Variants in SGCD observed in about 807,000 individuals in gnomAD.
The protein encoded by SGCD is sarcoglycan delta, also known as delta-sarcoglycan.
Under a neutral mutation model 36.6 loss-of-function variants are expected in SGCD, and 18 were observed. The ratio of observed to expected loss-of-function variants is 0.49; its 90% confidence interval spans 0.34 to 0.73. The LOEUF is 0.73. Ranked by LOEUF, SGCD falls within the 30% of genes least tolerant of loss-of-function variation. The pLI is 0.01. For missense variants in SGCD, 387 were observed against 346.7 expected, an observed-to-expected ratio of 1.12 and a Z score of -0.92; for synonymous variants, 133 against 130.6, an observed-to-expected ratio of 1.02 and a Z score of -0.12.
chr5:156,647,740 G>T (rs918011162), intron 7 of SGCD, among the ~76,000 whole-genome samples: 2 of 152,068 alleles, frequency 1.3e-5, no homozygotes, highest in African/African-American at 4.8e-5. Flanking sequence ...TGGGGTAAAA[G>T]GTTGCCCACT....
the SGCD span, among the ~76,000 whole-genome samples, chr5:155,829,758 A>G: frequency 1.3e-5 from 2 of 152,186 alleles, no homozygotes; most frequent in African/African-American, 4.8e-5. Flanking sequence ...TTGGTTTGGA[A>G]AAAGTGTAGA....
the SGCD span, among the ~76,000 whole-genome samples, chr5:155,783,479 G>A: frequency 6.6e-6 from 1 of 152,058 alleles, no homozygotes. Flanking sequence ...AGCTGGCAAT[G>A]ACTGATTTGG....
At chr5:156,088,430 T>C (rs1761155903) in intron 1 of SGCD, among the ~76,000 whole-genome samples, 1 of 152,166 alleles carries the variant, frequency 6.6e-6, no homozygotes, top group Non-Finnish European at 1.5e-5. Flanking sequence ...CTGTGAAGAC[T>C]TGCAAGTGTG....
chr5:155,800,734 T>A, the SGCD span, among the ~76,000 whole-genome samples: 2 of 152,186 alleles, frequency 1.3e-5, no homozygotes, highest in Non-Finnish European at 2.9e-5. Flanking sequence ...TGTTTTTGTT[T>A]TCCCTAGTAT....
At chr5:156,475,203 C>T (rs759627195) in intron 3 of SGCD, among the ~76,000 whole-genome samples, 3 of 152,054 alleles carry the variant, frequency 2.0e-5, no homozygotes, top group African/African-American at 4.8e-5. Context: ...TCCAAGATAC[C>T]CATTCATTAT....
chr5:156,599,307 C>T (rs1761070209), intron 6 of SGCD, among the ~76,000 whole-genome samples: 1 of 152,060 alleles, frequency 6.6e-6, no homozygotes, highest in South Asian at 2.1e-4. Context: ...CTTATCAGGA[C>T]CACTTAGGAC....
intron 3 of SGCD, among the ~76,000 whole-genome samples, chr5:156,298,270 A>T (rs923702521): frequency 1.3e-5 from 2 of 152,128 alleles, no homozygotes; most frequent in African/African-American, 4.8e-5. Context: ...TTTCCTTTGG[A>T]TAAATACCCA....
At chr5:156,084,980 T>A (rs551633968) in intron 1 of SGCD, among the ~76,000 whole-genome samples, 4 of 152,354 alleles carry the variant, frequency 2.6e-5, no homozygotes, top group African/African-American at 9.6e-5. Context: ...GTTGATATGA[T>A]GGATTACACA....
chr5:156,311,319 A>T (rs756924480), intron 3 of SGCD, among the ~76,000 whole-genome samples: 1 of 152,148 alleles, frequency 6.6e-6, no homozygotes, highest in Non-Finnish European at 1.5e-5. Flanking sequence ...TCACCATGAG[A>T]TAGTGTGGTT....
At chr5:155,868,817 T>C (rs894964373), upstream of SGCD, among the ~76,000 whole-genome samples, 2 of 152,100 alleles carry the variant, frequency 1.3e-5, no homozygotes, top group African/African-American at 2.4e-5. Context: ...GTGGTGAATA[T>C]GGGAGAAGCA....
At chr5:155,827,964 T>A in the SGCD span, among the ~76,000 whole-genome samples, 2 of 151,698 alleles carry the variant, frequency 1.3e-5, no homozygotes, top group African/African-American at 2.4e-5. Context: ...GTGCTGAGAT[T>A]ACAAGAGTGA....
At chr5:156,421,592 G>T (rs1028073980) in intron 3 of SGCD, among the ~76,000 whole-genome samples, 14 of 151,956 alleles carry the variant, frequency 9.2e-5, no homozygotes, top group African/African-American at 3.4e-4. Context: ...GTGGTATAAA[G>T]GGCATTATTT....
At chr5:156,594,907 C>A in intron 5 of SGCD, 25 bp from the exon 6 acceptor site, 1 of 1,491,478 alleles carries the variant, frequency 6.7e-7, no homozygotes, top group African/African-American at 1.4e-5. Context: ...TCCTCTCTAT[C>A]TCTCTATCTC....
intron 1 of SGCD, among the ~76,000 whole-genome samples, chr5:155,909,936 C>G (rs1756596997): frequency 6.6e-6 from 1 of 151,766 alleles, no homozygotes; most frequent in East Asian, 1.9e-4. Flanking sequence ...TTACAATATA[C>G]TGTTTTAATA....
intron 1 of SGCD, among the ~76,000 whole-genome samples, chr5:155,893,307 T>C (rs779660243): frequency 2.0e-5 from 3 of 152,194 alleles, no homozygotes; most frequent in Non-Finnish European, 2.9e-5. Flanking sequence ...TTTTGCAACC[T>C]GAAAATAAAG....
At chr5:155,738,872 T>G in the SGCD span, among the ~76,000 whole-genome samples, 4 of 145,452 alleles carry the variant, frequency 2.8e-5, no homozygotes, top group East Asian at 8.0e-4. Context: ...TGTGAGTGCG[T>G]GTGAGAGAGA....
At chr5:155,968,635 T>C (rs1757948639) in intron 1 of SGCD, among the ~76,000 whole-genome samples, 2 of 152,144 alleles carry the variant, frequency 1.3e-5, no homozygotes, top group African/African-American at 4.8e-5. Flanking sequence ...ACATAGTGTA[T>C]ATAGAGTTCA....
the SGCD span, among the ~76,000 whole-genome samples, chr5:155,838,029 C>T: frequency 2.6e-5 from 4 of 152,094 alleles, no homozygotes; most frequent in Non-Finnish European, 4.4e-5. Flanking sequence ...TTTGTGAACC[C>T]GTCACACAGT....
intron 3 of SGCD, among the ~76,000 whole-genome samples, chr5:156,434,841 CAT>C (rs1753177390): frequency 6.6e-6 from 1 of 152,136 alleles, no homozygotes; most frequent in Admixed American, 6.5e-5. Flanking sequence ...ATCAAAGAAA[CAT>C]GTATTCATTA....
Sources: allele counts gnomAD v4.1 joint callset (sites outside exome capture counted in the v4.1 genomes callset), GRCh38; gene constraint gnomAD v4.1.1; transcripts MANE v1.5; gene names NCBI Gene and HGNC (gene_info 2026-07-23, HGNC 2026-07-21).